The following MYLK4 variants were observed in gnomAD, a reference collection of about 807,000 sequenced individuals.
The protein encoded by MYLK4 is myosin light chain kinase family member 4.
Under a neutral mutation model 48.1 loss-of-function variants are expected in MYLK4, and 46 were observed. That is an observed-to-expected ratio of 0.96 (90% CI 0.75 to 1.22). The LOEUF is 1.22. MYLK4 is among the 50% of genes most tolerant of loss of function. The pLI is 0.00. For missense variants in MYLK4, 451 were observed against 486.1 expected, an observed-to-expected ratio of 0.93 and a Z score of 0.68; for synonymous variants, 170 against 180.8, an observed-to-expected ratio of 0.94 and a Z score of 0.48.
At chr6:2,682,095 T>C (rs998911494) in intron 7 of MYLK4, among the ~76,000 whole-genome samples, 4 of 152,200 alleles carry the variant, frequency 2.6e-5, no homozygotes, top group Non-Finnish European at 5.9e-5. Flanking sequence ...AGCCAAGTTA[T>C]AGGAAGAGAG....
At chr6:2,694,504 T>TGGC (rs1761951148) in intron 2 of MYLK4, among the ~76,000 whole-genome samples, 1 of 33,012 alleles carries the variant, frequency 3.0e-5, no homozygotes, top group African/African-American at 1.1e-4. Context: ...GTGGTGGTGG[T>TGGC]GGTGGTGGCG....
intron 2 of MYLK4, among the ~76,000 whole-genome samples, chr6:2,723,557 A>G (rs989068588): frequency 1.3e-5 from 2 of 152,246 alleles, no homozygotes; most frequent in Non-Finnish European, 2.9e-5. Context: ...CTGGCACCCC[A>G]GGGTCTGCGT....
At chr6:2,674,600 G>A (rs1257417112) in intron 11 of MYLK4, among the ~76,000 whole-genome samples, 1 of 152,212 alleles carries the variant, frequency 6.6e-6, no homozygotes, top group African/African-American at 2.4e-5. Context: ...AAGGCCGGGT[G>A]CAGTGGCTCA....
chr6:2,693,594 A>G (rs1282108761), intron 2 of MYLK4, among the ~76,000 whole-genome samples: 1 of 152,120 alleles, frequency 6.6e-6, no homozygotes. Context: ...AATTATCACA[A>G]CTTCTAAAGT....
rs1000463429 is a variant in MYLK4 at position 2,667,825 on chromosome 6, C to T, written c.*100G>A. The T allele has an allele frequency of 1.3e-5, 2 of 152,716 alleles. No homozygotes were observed. Among genetic ancestry groups the T allele is most frequent in the African/African-American group, 2.4e-5 (1 of 41,558 alleles). 9.5% of individuals were successfully genotyped at this position (152,716 alleles called of 1,614,324 possible). On this transcript the variant is annotated 3_prime_UTR_variant, in exon 13 of 13. Transcript: ENST00000274643. The stretch of plus-strand genomic sequence containing the variant: ...CCCCCTGCTAAGACTACCAGGTCAT[C>T]ACAGGGGTCAAGGCATCAGAACTGC...
Position 2,714,858 on chromosome 6 carries a change from CA to C in MYLK4, c.160-22000del, listed in dbSNP as rs543191096. On this transcript the variant is annotated intron_variant, in intron 2 of 12. Coordinates refer to ENST00000274643, the MANE Select transcript of MYLK4 (RefSeq NM_001012418.5). The stretch of plus-strand genomic sequence containing the variant: ...TATGCTCAGTGAAATAAGCCAGACA[CA>C]AAAAGATAAATACTGTGTCATTCCA... Among the ~76,000 whole-genome samples, 44 of 152,288 alleles carry C rather than the reference CA, an allele frequency of 2.9e-4. No individual in the cohort carries two copies. In the East Asian group the frequency reaches 7.5e-3, roughly 26 times the overall value.
intron 7 of MYLK4, among the ~76,000 whole-genome samples, chr6:2,680,916 C>G (rs1322587685): frequency 6.6e-6 from 1 of 152,142 alleles, no homozygotes; most frequent in African/African-American, 2.4e-5. Context: ...TCCCTTGGAG[C>G]TAGGCCCTGG....
Position 2,685,185 on chromosome 6 carries a change from C to CG in MYLK4, c.545+110dup, listed in dbSNP as rs1761479994. 1.3e-6 allele frequency: 1 copy of CG among 745,314 alleles called. No individual in the cohort carries two copies. Among genetic ancestry groups the CG allele is most frequent in the African/African-American group, 1.7e-5 (1 of 58,548 alleles). 46.2% of individuals were successfully genotyped at this position (745,314 alleles called of 1,614,324 possible). ...TGTGATCCGCGCGAATCAGAGTCTG[C>CG]GGGGGCGAGCTTGGTTCTGGTCCCG... is the stretch of plus-strand genomic sequence containing the variant. On this transcript the variant is annotated intron_variant, in intron 6 of 12. Coordinates refer to ENST00000274643, the MANE Select transcript of MYLK4 (RefSeq NM_001012418.5). This position sits in a 1 kb window ranked among gnomAD's most constrained non-coding sequence, Gnocchi z 4.5.
At chr6:2,682,993 C>G in intron 7 of MYLK4, 28 bp downstream of exon 7, 7 of 1,613,876 alleles carry the variant, frequency 4.3e-6, no homozygotes, top group Non-Finnish European at 5.9e-6. Flanking sequence ...GAAGGGCTTA[C>G]GTCTCACAGG....
chr6:2,696,958 C>G (rs1280465110), intron 2 of MYLK4, among the ~76,000 whole-genome samples: 2 of 152,144 alleles, frequency 1.3e-5, no homozygotes, highest in African/African-American at 4.8e-5. Flanking sequence ...TATCAGGAGG[C>G]TGAGGCAAGA....
intron 2 of MYLK4, among the ~76,000 whole-genome samples, chr6:2,724,251 G>C (rs1691242506): frequency 6.6e-6 from 1 of 152,156 alleles, no homozygotes; most frequent in Non-Finnish European, 1.5e-5. Flanking sequence ...GATACACATA[G>C]AGGACTTTCC....
chr6:2,762,605 C>T, the MYLK4 span, among the ~76,000 whole-genome samples: 2 of 152,230 alleles, frequency 1.3e-5, no homozygotes, highest in African/African-American at 2.4e-5. Context: ...ACTTGTTTTG[C>T]AAGTATTCAC....
chr6:2,754,195 C>T (rs138062343), upstream of MYLK4, among the ~76,000 whole-genome samples: 838 of 152,202 alleles, frequency 5.5e-3, 9 homozygotes, highest in African/African-American at 0.019. Context: ...GAAATGAAAA[C>T]ATATGAACAC....
chr6:2,676,008 C>T (rs534249927), intron 10 of MYLK4, among the ~76,000 whole-genome samples: 18 of 150,458 alleles, frequency 1.2e-4, no homozygotes, highest in East Asian at 7.8e-4. Flanking sequence ...AGGAGAATCA[C>T]GTGAACCCAG....
At chr6:2,737,346 A>T (rs1263983346) in intron 2 of MYLK4, among the ~76,000 whole-genome samples, 2 of 152,136 alleles carry the variant, frequency 1.3e-5, no homozygotes, top group Non-Finnish European at 2.9e-5. Context: ...AAACGATCCT[A>T]CCATTATGCC....
chr6:2,725,674 A>T (rs9391963), intron 2 of MYLK4, among the ~76,000 whole-genome samples: 150,507 of 151,500 alleles, frequency 0.99, 74,774 homozygotes, highest in Middle Eastern at 1. Flanking sequence ...AGAAAGAAAA[A>T]TTTTAAAAAG....
chr6:2,763,462 G>T, the MYLK4 span, among the ~76,000 whole-genome samples: 3 of 152,232 alleles, frequency 2.0e-5, no homozygotes, highest in African/African-American at 7.2e-5. Context: ...GCAGGCCTGA[G>T]CCTTGCGCTG....
the MYLK4 span, chr6:2,768,902 C>T: frequency 5.9e-4 from 946 of 1,590,322 alleles, no homozygotes; most frequent in South Asian, 1.8e-3. Context: ...CTTCCTTCTA[C>T]CTTTTGGTCG....
At chr6:2,702,020 C>T (rs953438384) in intron 2 of MYLK4, among the ~76,000 whole-genome samples, 3 of 152,270 alleles carry the variant, frequency 2.0e-5, no homozygotes, top group African/African-American at 4.8e-5. Context: ...CAGTGAGGAG[C>T]GGGGAGGGAG....
Sources: allele counts gnomAD v4.1 joint callset (sites outside exome capture counted in the v4.1 genomes callset), GRCh38; gene constraint gnomAD v4.1.1; non-coding constraint Gnocchi (gnomAD v3.1); transcripts MANE v1.5; gene names NCBI Gene and HGNC (gene_info 2026-07-23, HGNC 2026-07-21).